The following NAV1 variants were observed in gnomAD, a reference collection of about 807,000 sequenced individuals.
NAV1 encodes the protein neuron navigator 1.
A neutral mutation model predicts 175.2 loss-of-function variants in NAV1; 18 were observed. The ratio of observed to expected loss-of-function variants is 0.10; its 90% CI spans 0.07 to 0.15. The LOEUF (loss-of-function observed/expected upper bound fraction) is 0.15. Ranked by LOEUF, NAV1 falls within the 10% of genes least tolerant of loss-of-function variation. The pLI, the probability that NAV1 is intolerant of heterozygous loss-of-function variation, is 1.00. For synonymous variants in NAV1, 897 were observed against 978.7 expected (o/e 0.92, Z 1.56); for missense variants, 1,731 against 2,436.6 (o/e 0.71, Z 6.10).
At chr1:201,789,886 G>T in intron 11 of NAV1, 94 bp downstream of exon 15, 9 of 1,207,808 alleles carry the variant, frequency 7.5e-6, no homozygotes, top group Non-Finnish European at 8.6e-6. Flanking sequence ...CTGGGCGGGG[G>T]ATGGGGGCAC....
intron 3 of NAV1, among the ~76,000 whole-genome samples, chr1:201,729,415 T>G (rs1268622046): frequency 1.3e-5 from 2 of 149,442 alleles, no homozygotes; most frequent in Non-Finnish European, 3.0e-5. Flanking sequence ...GAGGCCAAGG[T>G]GGATCACTTG....
chr1:201,672,854 C>T (rs1670094803), intron 1 of NAV1, among the ~76,000 whole-genome samples: 1 of 152,226 alleles, frequency 6.6e-6, no homozygotes. Flanking sequence ...GCTCTGAGAA[C>T]TTACCGCCCA....
chr1:201,546,167 G>A (rs1266758404), intron 1 of NAV1, among the ~76,000 whole-genome samples: 1 of 152,230 alleles, frequency 6.6e-6, no homozygotes, highest in Non-Finnish European at 1.5e-5. Flanking sequence ...GGACCATTCT[G>A]TATGGCCCCT....
chr1:201,761,362 C>A (rs778264171), intron 3 of NAV1, among the ~76,000 whole-genome samples: 6 of 152,166 alleles, frequency 3.9e-5, no homozygotes, highest in Non-Finnish European at 8.8e-5. Context: ...GAGAGAGTAG[C>A]TCAGTGGCTG....
At chr1:201,731,138 G>A (rs959865097) in intron 3 of NAV1, among the ~76,000 whole-genome samples, 1 of 152,060 alleles carries the variant, frequency 6.6e-6, no homozygotes, top group Non-Finnish European at 1.5e-5. Context: ...GCAGGATCAC[G>A]GAGAGACAAG....
At chr1:201,579,755 T>C (rs1474251118) in intron 1 of NAV1, among the ~76,000 whole-genome samples, 2 of 152,166 alleles carry the variant, frequency 1.3e-5, no homozygotes, top group African/African-American at 2.4e-5. Context: ...TTGGGAGGAA[T>C]AAGGAAAAGT....
chr1:201,660,726 G>A (rs112833871), intron 1 of NAV1, among the ~76,000 whole-genome samples: 7 of 152,314 alleles, frequency 4.6e-5, no homozygotes, highest in South Asian at 2.1e-4. Context: ...CTTTGTTTGC[G>A]TAAACCCATT....
rs2102739262 is a variant in NAV1 at position 201,789,597 on chromosome 1, A to T, written c.3167-143A>T. On this transcript the variant is annotated intron_variant, in intron 10 of 29. Coordinates refer to ENST00000367296, the Ensembl canonical transcript of NAV1. ...CCTTGCTTTGGGCTGTTTTGATACC[A>T]GCTGGGTTCCCTACTCTGTTCTTTC... is the stretch of plus-strand genomic sequence containing the variant. 37 of 733,662 alleles carry T rather than the reference A, an allele frequency of 5.0e-5. 1 individual carries two copies. The South Asian group carries it at 5.9e-4, about 12-fold the overall frequency. The allele number at this position is 733,662 out of a possible 1,614,324, so 45.4% of individuals were successfully genotyped here.
At chr1:201,685,138 G>C (rs937193207) in intron 1 of NAV1, among the ~76,000 whole-genome samples, 1 of 151,776 alleles carries the variant, frequency 6.6e-6, no homozygotes, top group Non-Finnish European at 1.5e-5. Context: ...CTGGCATGGT[G>C]GTGGGCACCT....
intron 1 of NAV1, among the ~76,000 whole-genome samples, chr1:201,706,673 C>T (rs1424376490): frequency 6.6e-6 from 1 of 152,206 alleles, no homozygotes; most frequent in African/African-American, 2.4e-5. Context: ...TGGTTCCCAC[C>T]TCATCCAGCC....
intron 21 of NAV1, 84 bp downstream of exon 25, chr1:201,809,345 CA>C (rs1294033085): frequency 1.3e-6 from 2 of 1,589,250 alleles, no homozygotes; most frequent in African/African-American, 2.7e-5. Flanking sequence ...TGGGTACCTC[CA>C]AAACCAAAGA....
chr1:201,773,300 C>G (rs1450937954), intron 3 of NAV1, among the ~76,000 whole-genome samples: 2 of 152,204 alleles, frequency 1.3e-5, no homozygotes, highest in Non-Finnish European at 2.9e-5. Context: ...CCTCCCTCCT[C>G]AGCCTCCCAA....
chr1:201,709,341 G>T (rs1254600441), intron 1 of NAV1, among the ~76,000 whole-genome samples: 3 of 152,106 alleles, frequency 2.0e-5, no homozygotes, highest in Admixed American at 6.5e-5. Context: ...GGGTTGAGAG[G>T]TGAAGTAAAT....
chr1:201,734,536 T>A (rs1262134229), intron 3 of NAV1, among the ~76,000 whole-genome samples: 2 of 36,216 alleles, frequency 5.5e-5, no homozygotes, highest in African/African-American at 2.0e-4. Flanking sequence ...AAGAAGATCA[T>A]TTACAGTACT....
In NAV1 at chr1:201,730,351, C is replaced by T. The variant is rs192083877; in HGVS notation, c.1226+11596C>T. Among the ~76,000 whole-genome samples, 94 of 152,290 alleles carry T rather than the reference C, an allele frequency of 6.2e-4. 2 individuals carry two copies. Among genetic ancestry groups the T allele is most frequent in the Admixed American group, 5.4e-3 (82 of 15,298 alleles). On this transcript the variant is annotated intron_variant, in intron 3 of 29. Coordinates refer to ENST00000367296, the Ensembl canonical transcript of NAV1. ...GAGGATCATATAACTCAAAGTGGCC[C>T]CACCAGAACAGAACCCAGGCCTCTG...
At chr1:201,746,975 G>A (rs1450233278) in intron 3 of NAV1, among the ~76,000 whole-genome samples, 1 of 149,082 alleles carries the variant, frequency 6.7e-6, no homozygotes, top group East Asian at 1.9e-4. Context: ...ATGCACTCCA[G>A]CCTGTGTGAC....
rs920899627 is a variant in NAV1, at chr1:201,544,067, G to T, written c.-144+4725G>T. On this transcript the variant is annotated intron_variant, in intron 1 of 33. Transcript: ENST00000685211. ...AGAGGGCACCACGCCCAGCCTCAGCGCGGGCTTCATTTCCTCTAGCTCAGG... is the reference window on the plus strand; with the variant it reads ...AGAGGGCACCACGCCCAGCCTCAGCTCGGGCTTCATTTCCTCTAGCTCAGG... Among the ~76,000 whole-genome samples the T allele has an allele frequency of 2.0e-5, 3 of 152,202 alleles. No individual in the cohort carries two copies. In the East Asian group the frequency reaches 5.8e-4, roughly 29 times the overall value.
In NAV1 at chr1:201,810,176, A is replaced by G. The variant is rs1376974822; in HGVS notation, c.4561+71A>G. 36 of 1,561,690 alleles carry G rather than the reference A, an allele frequency of 2.3e-5. No homozygotes were observed. Among genetic ancestry groups the G allele is most frequent in the Non-Finnish European group, 3.0e-5 (34 of 1,145,126 alleles). ...GGACAGGATCATCAAATAATCCATC[A>G]TGCATTCATTCACCAAGAACTCACT... is the stretch of plus-strand genomic sequence containing the variant. On this transcript the variant is annotated intron_variant, in intron 23 of 29. Transcript: ENST00000367296. The surrounding 1 kb of genome is among the most constrained non-coding windows in gnomAD (Gnocchi z 6.0).
chr1:201,637,214 G>T (rs993962929), intron 2 of NAV1, among the ~76,000 whole-genome samples: 3 of 152,162 alleles, frequency 2.0e-5, no homozygotes, highest in African/African-American at 4.8e-5. Flanking sequence ...TAGTAAGAAG[G>T]CCAGGTTTCT....
Sources: allele counts gnomAD v4.1 joint callset (sites outside exome capture counted in the v4.1 genomes callset), GRCh38; gene constraint gnomAD v4.1.1; non-coding constraint Gnocchi (gnomAD v3.1); transcripts MANE v1.5; gene names NCBI Gene and HGNC (gene_info 2026-07-23, HGNC 2026-07-21).